Variants in ESF1 observed in about 807,000 individuals in gnomAD.
ESF1 encodes the protein ESF1 homolog.
ESF1 carries 58 observed loss-of-function variants against 92.0 expected under a neutral mutation model. The ratio of observed to expected loss-of-function variants is 0.63; its 90% CI spans 0.51 to 0.78. The LOEUF is 0.78. Ranked by LOEUF, ESF1 falls within the 30% of genes least tolerant of loss-of-function variation. The pLI, the probability that ESF1 is intolerant of heterozygous loss-of-function variation, is 0.00. For missense variants in ESF1, 922 were observed against 989.1 expected, an observed-to-expected ratio of 0.93 and a Z score of 0.91; for synonymous variants, 321 against 313.7, an observed-to-expected ratio of 1.02 and a Z score of -0.24.
At chr20:13,781,582 C>T (rs1568731732) in intron 2 of ESF1, among the ~76,000 whole-genome samples, 1 of 152,320 alleles carries the variant, frequency 6.6e-6, no homozygotes, top group African/African-American at 2.4e-5. Flanking sequence ...CCAAGCCATG[C>T]ACTCTGGAGG....
At chr20:13,776,380 C>T in intron 2 of ESF1, 110 bp from the exon 3 acceptor site, 1 of 1,022,384 alleles carries the variant, frequency 9.8e-7, no homozygotes, top group South Asian at 1.7e-5. Flanking sequence ...CTATGAAACA[C>T]AGTAAAGACA....
rs6131521 is a variant in ESF1, at chr20:13,782,955, A to G, written c.186T>C (p.His62=). Residue 62 remains histidine, a synonymous_variant, in exon 2 of 14, where the codon CAT becomes CAC. Transcript: ENST00000617257. ...AVDKRGRPIS[H]STTEDLKRFY... The stretch of plus-strand genomic sequence containing the variant: ...AACGCTTCAAATCCTCTGTAGTGCT[A>G]TGGCTAATGGGGCGCCCTCTTTTAT... 8,558 of 1,614,140 alleles carry G rather than the reference A, an allele frequency of 5.3e-3. 341 individuals carry two copies. The East Asian group carries it at 0.086, about 16-fold the overall frequency.
chr20:13,765,065 A>G (rs1189476575), intron 8 of ESF1, among the ~76,000 whole-genome samples: 1 of 152,074 alleles, frequency 6.6e-6, no homozygotes, highest in Non-Finnish European at 1.5e-5. Flanking sequence ...TCTACTAAAA[A>G]CACAAAAATT....
intron 3 of ESF1, 58 bp downstream of exon 3, chr20:13,775,815 C>T (rs1238347083): frequency 6.6e-7 from 1 of 1,524,478 alleles, no homozygotes; most frequent in Non-Finnish European, 8.8e-7. Flanking sequence ...TTCTACCAGC[C>T]ATAAAAGCTG....
chr20:13,731,916 C>T (rs952260111), intron 10 of ESF1, among the ~76,000 whole-genome samples: 4 of 152,224 alleles, frequency 2.6e-5, no homozygotes, highest in Non-Finnish European at 5.9e-5. Context: ...GAGGGTGGAG[C>T]GCCCAGGGAG....
At chr20:13,750,037 C>T (rs945054098) in intron 9 of ESF1, among the ~76,000 whole-genome samples, 1 of 152,200 alleles carries the variant, frequency 6.6e-6, no homozygotes, top group East Asian at 1.9e-4. Context: ...CACCACAGAC[C>T]TCAATTCCGA....
chr20:13,745,106 A>G (rs2050039479), intron 9 of ESF1, among the ~76,000 whole-genome samples: 1 of 152,252 alleles, frequency 6.6e-6, no homozygotes, highest in Non-Finnish European at 1.5e-5. Context: ...AAGCCTGATA[A>G]TATCAGTTAA....
chr20:13,784,519 T>A (rs2147460109), intron 1 of ESF1, among the ~76,000 whole-genome samples: 1 of 152,176 alleles, frequency 6.6e-6, no homozygotes, highest in South Asian at 2.1e-4. Flanking sequence ...TGTCAGATAA[T>A]CCGAGAGAGG....
At position 13,776,208 on chromosome 20, in the gene ESF1, A is replaced by G; in HGVS notation, c.700T>C (p.Cys234Arg). The G allele has an allele frequency of 6.2e-7, 1 of 1,613,804 alleles. No individual in the cohort carries two copies. The highest frequency in any genetic ancestry group is 8.5e-7 in the Non-Finnish European group (1 of 1,179,890). The change falls in exon 3 of 14, where the codon TGT (cysteine) becomes CGT (arginine). Residue 234 changes from cysteine (C) to arginine (R), a missense_variant. Transcript: ENST00000617257. ...TCTTCCTCCAGAGCATCTTTGTCAC[A>G]CATTTCACCATCTGTTGAGTTTTCA... is the stretch of plus-strand genomic sequence containing the variant. ...GYENSTDGEM[C>R]DKDALEEDSE...
chr20:13,771,446 GT>G lies in ESF1; in HGVS notation c.1287del (p.Lys429AsnfsTer3), dbSNP rs1979680021. 1.9e-6 allele frequency: 3 copies of G among 1,612,924 alleles called. No homozygotes were observed. Among genetic ancestry groups the G allele is most frequent in the Non-Finnish European group, 2.5e-6 (3 of 1,179,386 alleles). Reference protein sequence around the residue: ...SREKLRDYQFKRLKYYYAVVD... With the variant: ...SREKLRDYQFXRLKYYYAVVD... ...ACTACTGCATAATAGTACTTCAGTC[GT>G]TTGAATTGATAATCTCTCAATTTTT... On this transcript the variant is annotated frameshift_variant, in exon 6 of 14. Coordinates refer to ENST00000617257, the MANE Select transcript of ESF1 (RefSeq NM_001276380.2). LOFTEE classifies it high-confidence loss of function.
At chr20:13,737,947 C>T (rs1438690250) in intron 9 of ESF1, among the ~76,000 whole-genome samples, 2 of 152,184 alleles carry the variant, frequency 1.3e-5, no homozygotes, top group Admixed American at 6.5e-5. Flanking sequence ...TGAGCCACCA[C>T]ACTTGGCCGA....
chr20:13,733,923 T>A (rs2049960138), intron 9 of ESF1, 81 bp from the exon 10 acceptor site: 1 of 1,439,502 alleles, frequency 6.9e-7, no homozygotes, highest in South Asian at 1.5e-5. Flanking sequence ...TAAAGACAAA[T>A]ATAATTTATG....
At chr20:13,725,738 C>T (rs1014523359) in intron 11 of ESF1, among the ~76,000 whole-genome samples, 2 of 152,182 alleles carry the variant, frequency 1.3e-5, no homozygotes, top group African/African-American at 4.8e-5. Context: ...CTCGCACTGC[C>T]ATGGTTTGAA....
Position 13,781,755 on chromosome 20 carries a change from G to A in ESF1, c.637+749C>T, listed in dbSNP as rs142132316. On this transcript the variant is annotated intron_variant, in intron 2 of 13. Transcript: ENST00000617257. ...CGACAGCCCTGAGATGGGTGACGACGCCTTACTCATATTCTGCCTGCCACA... is the reference window on the plus strand; with the variant it reads ...CGACAGCCCTGAGATGGGTGACGACACCTTACTCATATTCTGCCTGCCACA... 1.0e-3 allele frequency among the ~76,000 whole-genome samples: 153 copies of A among 152,278 alleles called. 1 individual carries two copies. The highest frequency in any genetic ancestry group is 3.1e-3 in the African/African-American group (130 of 41,558).
chr20:13,746,679 G>T (rs1303561914), intron 9 of ESF1, among the ~76,000 whole-genome samples: 1 of 152,132 alleles, frequency 6.6e-6, no homozygotes, highest in Non-Finnish European at 1.5e-5. Flanking sequence ...GAATATAGAA[G>T]GATATACTGA....
intron 9 of ESF1, among the ~76,000 whole-genome samples, chr20:13,741,017 C>T (rs2050010258): frequency 6.6e-6 from 1 of 152,074 alleles, no homozygotes; most frequent in East Asian, 1.9e-4. Context: ...TCACAATCTG[C>T]CCCCAGGAAT....
At chr20:13,777,841 A>G (rs1980013170) in intron 2 of ESF1, among the ~76,000 whole-genome samples, 1 of 152,222 alleles carries the variant, frequency 6.6e-6, no homozygotes, top group African/African-American at 2.4e-5. Flanking sequence ...GAAAATTAAA[A>G]GCAAATTTAA....
At chr20:13,754,273 C>T (rs149887439) in intron 9 of ESF1, among the ~76,000 whole-genome samples, 1 of 152,292 alleles carries the variant, frequency 6.6e-6, no homozygotes, top group African/African-American at 2.4e-5. Context: ...TCTTTATTGG[C>T]AGGCTGAATA....
At chr20:13,753,632 C>T (rs59453142) in intron 9 of ESF1, among the ~76,000 whole-genome samples, 48,220 of 151,598 alleles carry the variant, frequency 0.32, 8,011 homozygotes, top group Middle Eastern at 0.48. Flanking sequence ...CTGAACGTAC[C>T]TTTGGCCTCA....
Sources: gnomAD v4.1 joint callset for allele counts (sites outside exome capture counted in the v4.1 genomes callset) on GRCh38, gnomAD v4.1.1 for gene constraint, MANE v1.5 for transcripts, NCBI Gene and HGNC (gene_info 2026-07-23, HGNC 2026-07-21) for gene names.